SLC47A2: variants seen among roughly 807,000 people sequenced by gnomAD.
The protein encoded by SLC47A2 is multidrug and toxin extrusion protein 2.
SLC47A2 carries 52 observed loss-of-function variants against 67.7 expected under a neutral mutation model. The ratio of observed to expected loss-of-function variants is 0.77; its 90% CI spans 0.61 to 0.97. SLC47A2 has a LOEUF of 0.97. Ranked by LOEUF, SLC47A2 falls within the 50% of genes least tolerant of loss-of-function variation. SLC47A2 has a pLI of 0.00. For missense variants in SLC47A2, 676 were observed against 712.3 expected (o/e 0.95, Z 0.58); for synonymous variants, 278 against 292.9 (o/e 0.95, Z 0.52).
Position 19,704,014 on chromosome 17 carries a change from C to T in SLC47A2, c.1018+56G>A, listed in dbSNP as rs373193059. On this transcript the variant is annotated intron_variant, in intron 11 of 16. Coordinates refer to ENST00000433844, the MANE Select transcript of SLC47A2 (RefSeq NM_001099646.3). ...CCAGCATGCCAGCCTTCCTGTGGCC[C>T]AGGCTGGTGACTCAGGCCAACGTTT... is the stretch of plus-strand genomic sequence containing the variant. 1.1e-4 allele frequency: 157 copies of T among 1,378,576 alleles called. 1 individual carries two copies. The African/African-American group carries it at 2.0e-3, about 18-fold the overall frequency. The allele number at this position is 1,378,576 out of a possible 1,614,324, so 85.4% of individuals were successfully genotyped here. A position where few individuals can be genotyped will look rare whatever the true frequency, so the allele number is the denominator to read the frequency against.
chr17:19,687,506 G>A lies in SLC47A2; in HGVS notation c.1165-5836C>T, dbSNP rs188347613. ...AAGAAAAGAAAGAATAAAGGTCAGA[G>A]CAGAAATAAGTTAAATGGAAACAGA... is the stretch of plus-strand genomic sequence containing the variant. On this transcript the variant is annotated intron_variant, in intron 13 of 16. Coordinates refer to ENST00000433844, the MANE Select transcript of SLC47A2 (RefSeq NM_001099646.3). Among the ~76,000 whole-genome samples, 10 of 151,916 alleles carry A rather than the reference G, an allele frequency of 6.6e-5. No individual in the cohort carries two copies. In the East Asian group the frequency reaches 1.9e-3, roughly 29 times the overall value.
At position 19,715,138 on chromosome 17, in the gene SLC47A2, G is replaced by A; in HGVS notation, c.203C>T (p.Ala68Val). Residue 68 changes from alanine (A) to valine (V), a missense_variant, in exon 2 of 17, where the codon GCA becomes GTA. Ala to Val is a moderately conservative substitution (Grantham distance 64). Coordinates refer to ENST00000433844, the MANE Select transcript of SLC47A2 (RefSeq NM_001099646.3). Reference sequence around the variant, plus strand: ...CACGGCCACCGCGAGGGTCACCGATGCCAGCTCCACCTTGCCCAGGTGCCC... The same window carrying A: ...CACGGCCACCGCGAGGGTCACCGATACCAGCTCCACCTTGCCCAGGTGCCC... ...FCGHLGKVEL[A>V]SVTLAVAFVN... 1 of 1,612,442 alleles carries A rather than the reference G, an allele frequency of 6.2e-7. No individual in the cohort carries two copies. The highest frequency in any genetic ancestry group is 8.5e-7 in the Non-Finnish European group (1 of 1,179,998).
chr17:19,713,297 A>T (rs937339276), intron 4 of SLC47A2, among the ~76,000 whole-genome samples: 1 of 152,136 alleles, frequency 6.6e-6, no homozygotes, highest in Non-Finnish European at 1.5e-5. Context: ...CTGAAGCAGG[A>T]GAATCACTTG....
In SLC47A2 at chr17:19,702,631, C is replaced by T. The variant is rs777318532; in HGVS notation, c.1138G>A (p.Val380Ile). The change falls in exon 13 of 17, where the codon GTC becomes ATC. Residue 380 changes from valine to isoleucine, a missense_variant. Physicochemically the swap from Val to Ile is conservative, Grantham distance 29. Transcript: ENST00000433844. ...LVSQVLPVYS[V>I]FHVFEAICCV... ...CAGATGGCCTCAAACACGTGAAAGA[C>T]ACTATAAACCGGCAAGACCTGGCTC... 7 of 1,614,080 alleles carry T rather than the reference C, an allele frequency of 4.3e-6. No homozygotes were observed. The Admixed American group carries it at 1.2e-4, about 27-fold the overall frequency.
chr17:19,683,780 A>G (rs1216587944), intron 13 of SLC47A2, among the ~76,000 whole-genome samples: 2 of 152,250 alleles, frequency 1.3e-5, no homozygotes, highest in Non-Finnish European at 1.5e-5. Context: ...TTTGCTAGCT[A>G]TCAGAGGTGT....
chr17:19,679,841 A>T, intron 16 of SLC47A2, 111 bp downstream of exon 16: 1 of 1,033,440 alleles, frequency 9.7e-7, no homozygotes, highest in Non-Finnish European at 1.4e-6. Flanking sequence ...GAAGAAAAAT[A>T]GCTTGGGCTT....
intron 10 of SLC47A2, chr17:19,704,691 G>A: frequency 6.5e-7 from 1 of 1,550,012 alleles, no homozygotes; most frequent in Non-Finnish European, 8.7e-7. Flanking sequence ...CGATGGCTGT[G>A]TCTCTGTGGG....
intron 13 of SLC47A2, among the ~76,000 whole-genome samples, chr17:19,690,244 A>C: frequency 6.6e-6 from 1 of 152,222 alleles, no homozygotes; most frequent in Non-Finnish European, 1.5e-5. Flanking sequence ...CTAGACCCCT[A>C]TCTCTCACCG....
rs745578762 is a variant in SLC47A2 at position 19,712,690 on chromosome 17, C to CAGG, written c.486+10_486+12dup. The CAGG allele has an allele frequency of 1.9e-6, 3 of 1,612,750 alleles. No individual in the cohort carries two copies. In the African/African-American group the frequency reaches 4.0e-5, roughly 22 times the overall value. ...GGAATGTGATTCCACGCTCAGCAAA[C>CAGG]AGGGGCACCTACCGGAAGTCCTGGA... On this transcript the variant is annotated intron_variant, in intron 5 of 16. Transcript: ENST00000433844.
At chr17:19,692,174 G>A in intron 13 of SLC47A2, 1 of 375,920 alleles carries the variant, frequency 2.7e-6, no homozygotes, top group South Asian at 2.0e-5. Flanking sequence ...GTTGAAATGA[G>A]CCAAGATCGT....
chr17:19,713,953 C>T lies in SLC47A2; in HGVS notation c.315G>A (p.Lys105=). 6.2e-7 allele frequency: 1 copy of T among 1,612,930 alleles called. No homozygotes were observed. Among genetic ancestry groups the T allele is most frequent in the Non-Finnish European group, 8.5e-7 (1 of 1,179,324 alleles). The change falls in exon 4 of 17, where the codon AAG becomes AAA. Residue 105 remains lysine (K), a synonymous_variant. Transcript: ENST00000433844. The stretch of plus-strand genomic sequence containing the variant: ...GCTGCAGGATCACGCCCACGTGCTT[C>T]TTGTTGGGGCTGCCGAAGCTCTGCA... ...LMSQSFGSPN[K]KHVGVILQRG...
chr17:19,695,518 A>G (rs1363654537), intron 13 of SLC47A2, among the ~76,000 whole-genome samples: 1 of 150,038 alleles, frequency 6.7e-6, no homozygotes, highest in Non-Finnish European at 1.5e-5. Context: ...AAAACAGCAA[A>G]AAAAAAAAAA....
Position 19,681,599 on chromosome 17 carries a change from A to G in SLC47A2, c.1236T>C (p.Tyr412=), listed in dbSNP as rs775664257. The change falls in exon 14 of 17, where the codon TAT becomes TAC. Residue 412 remains tyrosine, a synonymous_variant. Transcript: ENST00000433844. ...TGCCCAGTGGTAGGCCGATGATGTA[A>G]TATGTGATGGCATTCACAGCGGCAC... The part of the protein sequence containing the change: ...AFGAAVNAIT[Y]YIIGLPLGIL... 6.2e-7 allele frequency: 1 copy of G among 1,614,144 alleles called. No homozygotes were observed. Among genetic ancestry groups the G allele is most frequent in the South Asian group, 1.1e-5 (1 of 91,076 alleles).
chr17:19,705,814 G>A (rs185585120), intron 9 of SLC47A2, among the ~76,000 whole-genome samples: 98 of 152,260 alleles, frequency 6.4e-4, no homozygotes, highest in African/African-American at 2.3e-3. Context: ...GGCCAGGCTG[G>A]TCTCGAACTC....
upstream of SLC47A2, chr17:19,716,944 T>C (rs1028548541): frequency 5.3e-6 from 1 of 187,880 alleles, no homozygotes; most frequent in African/African-American, 2.3e-5. Context: ...CTGGGCGTCC[T>C]GTACCCGGGC....
rs4925040 is a variant in SLC47A2, at chr17:19,685,202, A to G, written c.1165-3532T>C. On this transcript the variant is annotated intron_variant, in intron 13 of 16. Transcript: ENST00000433844. This position sits in a 1 kb window ranked among gnomAD's most constrained non-coding sequence, Gnocchi z 4.5. ...GTGATCTCGGCTTGCTACAACCTCC[A>G]TCTCCCAGCTGCCTGCCTTGGCCTC... is the stretch of plus-strand genomic sequence containing the variant. Among the ~76,000 whole-genome samples the G allele has an allele frequency of 0.28, 42,318 of 151,546 alleles. 6,326 individuals are homozygous for G. Among genetic ancestry groups the G allele is most frequent in the East Asian group, 0.52 (2,663 of 5,104 alleles).
In SLC47A2 at chr17:19,715,208, G is replaced by T. The variant is rs761142600; in HGVS notation, c.133C>A (p.Gln45Lys). Residue 45 changes from glutamine (Q) to lysine (K), a missense_variant, in exon 2 of 17, where the codon CAG becomes AAG. By Grantham distance (53) the Gln-to-Lys change is moderately conservative. Coordinates refer to ENST00000433844, the MANE Select transcript of SLC47A2 (RefSeq NM_001099646.3). ...FALSGPLFLF[Q>K]VLTFMIYIVS... ...ATGTAGATCATAAAAGTCAGCACCTGGAACAGGAACTGGAGGACAGCGGCC... is the reference window on the plus strand; with the variant it reads ...ATGTAGATCATAAAAGTCAGCACCTTGAACAGGAACTGGAGGACAGCGGCC... 3.1e-6 allele frequency: 5 copies of T among 1,609,870 alleles called. No individual in the cohort carries two copies. Among genetic ancestry groups the T allele is most frequent in the Non-Finnish European group, 4.2e-6 (5 of 1,179,954 alleles).
At chr17:19,689,027 G>T (rs1380806255) in intron 13 of SLC47A2, among the ~76,000 whole-genome samples, 1 of 151,860 alleles carries the variant, frequency 6.6e-6, no homozygotes. Flanking sequence ...CACCATACCT[G>T]GTTACTTTTT....
At position 19,681,658 on chromosome 17, in the gene SLC47A2, C is replaced by T. The variant is rs34399035; in HGVS notation, c.1177G>A (p.Gly393Arg). The stretch of plus-strand genomic sequence containing the variant: ...TGCTTCCCAGTTCCTCTCAGAACTC[C>T]GCCATAGACACACTAGGAGGGGAGA... ...VFEAICCVYGGVLRGTGKQAF... is the reference protein window; with the variant it reads ...VFEAICCVYGRVLRGTGKQAF... The change falls in exon 14 of 17, where the codon GGA becomes AGA. Residue 393 changes from glycine to arginine, a missense_variant. Physicochemically the swap from Gly to Arg is moderately radical, Grantham distance 125. Coordinates refer to ENST00000433844, the MANE Select transcript of SLC47A2 (RefSeq NM_001099646.3). 9,895 of 1,612,630 alleles carry T rather than the reference C, an allele frequency of 6.1e-3. 53 individuals carry two copies. The highest frequency in any genetic ancestry group is 0.028 in the Middle Eastern group (170 of 6,062).
Sources: allele counts gnomAD v4.1 joint callset (sites outside exome capture counted in the v4.1 genomes callset), GRCh38; gene constraint gnomAD v4.1.1; non-coding constraint Gnocchi (gnomAD v3.1); transcripts MANE v1.5; gene names NCBI Gene and HGNC (gene_info 2026-07-23, HGNC 2026-07-21).